The following ATP6V0A2 variants were observed in gnomAD, a reference collection of about 807,000 sequenced individuals.
ATP6V0A2 encodes the protein ATPase H+ transporting V0 subunit a2, also known as V-type proton ATPase 116 kDa subunit a 2.
ATP6V0A2 carries 58 observed loss-of-function variants against 104.4 expected under a neutral mutation model. That is an observed-to-expected ratio of 0.56 (90% CI 0.45 to 0.69). The LOEUF (loss-of-function observed/expected upper bound fraction) is 0.69. Among genes scored for constraint, ATP6V0A2 ranks in the 30% least tolerant of loss-of-function variants. The probability of loss-of-function intolerance (pLI) is 0.00; values close to 1 mark genes in which losing one functional copy is unlikely to be tolerated. For missense variants in ATP6V0A2, 938 were observed against 1,062.9 expected, an observed-to-expected ratio of 0.88 and a Z score of 1.63; for synonymous variants, 376 against 397.9, an observed-to-expected ratio of 0.95 and a Z score of 0.65.
intron 2 of ATP6V0A2, chr12:123,721,711 G>A: frequency 6.1e-6 from 1 of 164,986 alleles, no homozygotes. Context: ...CCAGGCTTCT[G>A]AATCTAGTTT....
At chr12:123,748,520 T>A in intron 14 of ATP6V0A2, 55 bp from the exon 15 acceptor site, 1 of 1,366,848 alleles carries the variant, frequency 7.3e-7, no homozygotes, top group Non-Finnish European at 1.0e-6. Flanking sequence ...TAATTTACTC[T>A]TTTTAACTTA....
chr12:123,754,133 C>T, intron 17 of ATP6V0A2: 2 of 554,300 alleles, frequency 3.6e-6, no homozygotes, highest in South Asian at 2.5e-5. Context: ...ACGGCAGTTC[C>T]TCTGGTCTAC....
intron 9 of ATP6V0A2, among the ~76,000 whole-genome samples, chr12:123,743,431 A>G (rs969412829): frequency 6.6e-6 from 1 of 152,234 alleles, no homozygotes; most frequent in Non-Finnish European, 1.5e-5. Context: ...AGACAGGTGG[A>G]TCACCTGAGG....
At chr12:123,735,841 A>G (rs1379326292) in intron 8 of ATP6V0A2, among the ~76,000 whole-genome samples, 1 of 152,100 alleles carries the variant, frequency 6.6e-6, no homozygotes, top group East Asian at 1.9e-4. Context: ...TTAAAAAAAG[A>G]TTCTGTGGTC....
chr12:123,736,061 CAG>C (rs1469868975), intron 8 of ATP6V0A2, among the ~76,000 whole-genome samples: 1 of 151,818 alleles, frequency 6.6e-6, no homozygotes. Flanking sequence ...TTAGTAGAGA[CAG>C]AGTTTCGCCA....
chr12:123,735,974 G>T (rs1956548909), intron 8 of ATP6V0A2, among the ~76,000 whole-genome samples: 1 of 152,092 alleles, frequency 6.6e-6, no homozygotes, highest in Admixed American at 6.6e-5. Context: ...CTGGGTTCAA[G>T]CGATTCTCCT....
chr12:123,755,564 A>T (rs1956755214), intron 18 of ATP6V0A2, among the ~76,000 whole-genome samples: 1 of 151,726 alleles, frequency 6.6e-6, no homozygotes, highest in Admixed American at 6.6e-5. Flanking sequence ...AAAAAAAAAA[A>T]AAATAGGACA....
At chr12:123,722,892 T>C (rs2135885337) in intron 3 of ATP6V0A2, among the ~76,000 whole-genome samples, 1 of 151,962 alleles carries the variant, frequency 6.6e-6, no homozygotes, top group East Asian at 1.9e-4. Flanking sequence ...CCTCTAAATT[T>C]TGGAAGCTGG....
chr12:123,722,665 T>C lies in ATP6V0A2; in HGVS notation c.294+217T>C, dbSNP rs9787987. ...ACAGTAATTCAGTTTTCTTTTACAG[T>C]GTAAGGCATATGCTTCCTTTCCAGG... On this transcript the variant is annotated intron_variant, in intron 3 of 19. Coordinates refer to ENST00000330342, the MANE Select transcript of ATP6V0A2 (RefSeq NM_012463.4). Among the ~76,000 whole-genome samples the C allele has an allele frequency of 0.67, 101,231 of 151,596 alleles. 34,111 individuals are homozygous for C. Among genetic ancestry groups the C allele is most frequent in the East Asian group, 0.95 (4,873 of 5,144 alleles).
intron 13 of ATP6V0A2, among the ~76,000 whole-genome samples, chr12:123,746,639 T>TA (rs760374381): frequency 0.028 from 2,320 of 83,492 alleles, 89 homozygotes; most frequent in African/African-American, 0.08. Flanking sequence ...CCCCTTACCT[T>TA]AAAAAAAAAA....
rs149818167 is a variant in ATP6V0A2 at position 123,746,329 on chromosome 12, G to A, written c.1606-1278G>A. On this transcript the variant is annotated intron_variant, in intron 13 of 19. Coordinates refer to ENST00000330342, the MANE Select transcript of ATP6V0A2 (RefSeq NM_012463.4). ...TGTGTACGTTATACATATAAAATAC[G>A]TATTTTAAAATAATATATAAAAGTA... is the stretch of plus-strand genomic sequence containing the variant. Among the ~76,000 whole-genome samples, 7 of 151,830 alleles carry A rather than the reference G, an allele frequency of 4.6e-5. No homozygotes were observed. In the East Asian group the frequency reaches 7.7e-4, roughly 17 times the overall value.
At chr12:123,716,255 C>T (rs1216915673) in intron 1 of ATP6V0A2, among the ~76,000 whole-genome samples, 2 of 151,864 alleles carry the variant, frequency 1.3e-5, no homozygotes, top group Non-Finnish European at 2.9e-5. Context: ...TTAGTAGAGA[C>T]GGGGTTTCAC....
rs764787363 is a variant in ATP6V0A2 at position 123,724,741 on chromosome 12, T to C, written c.382T>C (p.Tyr128His). The change falls in exon 4 of 20, where the codon TAC (tyrosine) becomes CAC (histidine). Residue 128 changes from tyrosine to histidine, a missense_variant. Physicochemically the swap from Tyr to His is moderately conservative, Grantham distance 83 (BLOSUM62 2). Coordinates refer to ENST00000330342, the MANE Select transcript of ATP6V0A2 (RefSeq NM_012463.4). ...GAAAAACTTGCTGGAACTGATAGAGTACACTCACATGCTGAGAGTGACAAA... is the reference window on the plus strand; with the variant it reads ...GAAAAACTTGCTGGAACTGATAGAGCACACTCACATGCTGAGAGTGACAAA... Reference protein sequence around the residue: ...LRKNLLELIEYTHMLRVTKTF... With the variant: ...LRKNLLELIEHTHMLRVTKTF... 45 of 1,613,326 alleles carry C rather than the reference T, an allele frequency of 2.8e-5. No homozygotes were observed. The highest frequency in any genetic ancestry group is 1.2e-4 in the Admixed American group (7 of 59,970).
chr12:123,725,610 G>T (rs1956441702), intron 4 of ATP6V0A2, among the ~76,000 whole-genome samples: 1 of 151,926 alleles, frequency 6.6e-6, no homozygotes, highest in Non-Finnish European at 1.5e-5. Context: ...ATTAATATGA[G>T]ACCTTGTCTA....
intron 5 of ATP6V0A2, among the ~76,000 whole-genome samples, chr12:123,726,533 G>T (rs1019993784): frequency 6.6e-6 from 1 of 152,196 alleles, no homozygotes; most frequent in Non-Finnish European, 1.5e-5. Flanking sequence ...CAACATTTAC[G>T]TGATTCAGTG....
At chr12:123,734,353 T>C (rs948277207) in intron 7 of ATP6V0A2, among the ~76,000 whole-genome samples, 2 of 152,206 alleles carry the variant, frequency 1.3e-5, no homozygotes, top group Admixed American at 6.5e-5. Flanking sequence ...TCACTGAGCA[T>C]GTGCATCTCT....
intron 17 of ATP6V0A2, among the ~76,000 whole-genome samples, chr12:123,753,525 C>G (rs1352055431): frequency 6.6e-6 from 1 of 152,252 alleles, no homozygotes; most frequent in Non-Finnish European, 1.5e-5. Context: ...TCCCAGAAGA[C>G]AGTAGTCACA....
chr12:123,755,055 A>G (rs1208166388), intron 18 of ATP6V0A2, among the ~76,000 whole-genome samples: 1 of 152,228 alleles, frequency 6.6e-6, no homozygotes, highest in African/African-American at 2.4e-5. Flanking sequence ...GTTCCCCAGC[A>G]GCATGGTTCC....
At chr12:123,754,806 C>G in intron 18 of ATP6V0A2, 1 of 495,176 alleles carries the variant, frequency 2.0e-6, no homozygotes, top group South Asian at 2.6e-5. Flanking sequence ...CACTGAGACA[C>G]AAGGGGCTTT....
Sources: allele counts gnomAD v4.1 joint callset (sites outside exome capture counted in the v4.1 genomes callset), GRCh38; gene constraint gnomAD v4.1.1; transcripts MANE v1.5; gene names NCBI Gene and HGNC (gene_info 2026-07-23, HGNC 2026-07-21).